DYNC1I2: variants seen among roughly 807,000 people sequenced by gnomAD.
The protein encoded by DYNC1I2 is dynein cytoplasmic 1 intermediate chain 2, also known as cytoplasmic dynein 1 intermediate chain 2.
Under a neutral mutation model 88.6 loss-of-function variants are expected in DYNC1I2, and 53 were observed. The ratio of observed to expected loss-of-function variants is 0.60; its 90% confidence interval spans 0.48 to 0.75. The LOEUF is 0.75. Among genes scored for constraint, DYNC1I2 ranks in the 30% least tolerant of loss-of-function variants. DYNC1I2 has a pLI of 0.00. For missense variants in DYNC1I2, 458 were observed against 766.6 expected (o/e 0.60, Z 4.75); for synonymous variants, 198 against 254.6 (o/e 0.78, Z 2.12).
At position 171,701,733 on chromosome 2, in the gene DYNC1I2, A is replaced by G. The variant is rs893713068; in HGVS notation, c.227-4814A>G. Among the ~76,000 whole-genome samples the G allele has an allele frequency of 2.6e-5, 4 of 152,352 alleles. No homozygotes were observed. In the South Asian group the frequency reaches 8.3e-4, roughly 32 times the overall value. ...ACTTTGTTGAGTATTTGGATTAGTT[A>G]TAAGACAGTGGGGAAGGTAGCATAT... On this transcript the variant is annotated intron_variant, in intron 3 of 17. Coordinates refer to ENST00000397119, the MANE Select transcript of DYNC1I2 (RefSeq NM_001378.3).
At chr2:171,725,210 AT>A (rs1025654367) in intron 7 of DYNC1I2, among the ~76,000 whole-genome samples, 40 of 152,196 alleles carry the variant, frequency 2.6e-4, no homozygotes, top group African/African-American at 9.4e-4. Context: ...ATTCTACAGC[AT>A]TAATGTGTCA....
At chr2:171,734,709 T>C (rs1297270088) in intron 15 of DYNC1I2, among the ~76,000 whole-genome samples, 3 of 152,188 alleles carry the variant, frequency 2.0e-5, no homozygotes, top group Non-Finnish European at 4.4e-5. Flanking sequence ...CTGTGAAGGG[T>C]AGAGAAGAAA....
intron 3 of DYNC1I2, chr2:171,693,185 A>G (rs1685518319): frequency 2.9e-6 from 1 of 345,606 alleles, no homozygotes; most frequent in African/African-American, 2.1e-5. Flanking sequence ...TTTATGTGCC[A>G]TACTGTGTTA....
At chr2:171,717,334 C>G (rs886774854) in intron 7 of DYNC1I2, among the ~76,000 whole-genome samples, 1 of 151,640 alleles carries the variant, frequency 6.6e-6, no homozygotes, top group Non-Finnish European at 1.5e-5. Flanking sequence ...AGGCTGGTCT[C>G]GAACTCTTGA....
At chr2:171,734,608 T>C (rs1688879184) in intron 15 of DYNC1I2, among the ~76,000 whole-genome samples, 1 of 152,168 alleles carries the variant, frequency 6.6e-6, no homozygotes, top group Non-Finnish European at 1.5e-5. Flanking sequence ...CCATAGAACA[T>C]GGTGTTTTTA....
intron 1 of DYNC1I2, among the ~76,000 whole-genome samples, chr2:171,689,590 T>A (rs1460208653): frequency 6.6e-6 from 1 of 152,216 alleles, no homozygotes; most frequent in African/African-American, 2.4e-5. Context: ...TCAGTTTGTG[T>A]ATGCGAACAT....
intron 3 of DYNC1I2, among the ~76,000 whole-genome samples, chr2:171,706,330 A>T (rs1686673769): frequency 6.6e-6 from 1 of 152,186 alleles, no homozygotes; most frequent in South Asian, 2.1e-4. Flanking sequence ...GATGGCAGTG[A>T]TGATCCTCCT....
chr2:171,741,862 A>G (rs1689450075), intron 15 of DYNC1I2, among the ~76,000 whole-genome samples: 1 of 152,018 alleles, frequency 6.6e-6, no homozygotes, highest in Non-Finnish European at 1.5e-5. Flanking sequence ...TGGGTGGATC[A>G]CCTGAGGTCA....
rs188497577 is a variant in DYNC1I2 at position 171,735,505 on chromosome 2, A to C, written c.1536+5652A>C. Among the ~76,000 whole-genome samples, 6 of 152,354 alleles carry C rather than the reference A, an allele frequency of 3.9e-5. 1 individual carries two copies. The East Asian group carries it at 1.2e-3, about 29-fold the overall frequency. On this transcript the variant is annotated intron_variant, in intron 15 of 17. Transcript: ENST00000397119. ...AATGCAGGTATTCAAAAATCCAAAAATATTTGAAATCTGAAACACTTCTGG... is the reference window on the plus strand; with the variant it reads ...AATGCAGGTATTCAAAAATCCAAAACTATTTGAAATCTGAAACACTTCTGG...
intron 7 of DYNC1I2, among the ~76,000 whole-genome samples, chr2:171,723,890 T>A (rs1688061819): frequency 6.6e-6 from 1 of 152,168 alleles, no homozygotes; most frequent in East Asian, 1.9e-4. Context: ...GTTTTTCCAT[T>A]CTGAATGTTT....
At chr2:171,722,168 G>A (rs1317020372) in intron 7 of DYNC1I2, among the ~76,000 whole-genome samples, 1 of 152,122 alleles carries the variant, frequency 6.6e-6, no homozygotes, top group Non-Finnish European at 1.5e-5. Context: ...CATTGTAAGA[G>A]ATTATTCCAA....
intron 7 of DYNC1I2, among the ~76,000 whole-genome samples, chr2:171,717,762 G>A (rs144750254): frequency 4.6e-5 from 7 of 152,128 alleles, no homozygotes; most frequent in East Asian, 3.9e-4. Context: ...TAACCAAAAC[G>A]AAGGCACAGT....
intron 3 of DYNC1I2, among the ~76,000 whole-genome samples, chr2:171,700,004 T>C (rs1056257667): frequency 5.3e-5 from 8 of 152,288 alleles, no homozygotes; most frequent in Admixed American, 3.3e-4. Flanking sequence ...TTATCTCTTA[T>C]AGTTTCTGCT....
chr2:171,687,986 A>G (rs1409209431), intron 1 of DYNC1I2: 2 of 152,282 alleles, frequency 1.3e-5, no homozygotes, highest in African/African-American at 2.4e-5. Flanking sequence ...TTTGGGGAGG[A>G]AAGGCGGGGA....
Position 171,744,144 on chromosome 2 carries a change from T to C in DYNC1I2, c.1632T>C (p.Asp544=), listed in dbSNP as rs1689631492. 1 of 1,613,248 alleles carries C rather than the reference T, an allele frequency of 6.2e-7. No individual in the cohort carries two copies. Among genetic ancestry groups the C allele is most frequent in the Admixed American group, 1.7e-5 (1 of 59,912 alleles). Residue 544 remains aspartate (D), a synonymous_variant, in exon 16 of 18, where the codon GAT becomes GAC. Transcript: ENST00000397119. ...ACCCAGCCCTGTTTGCCTGTGTGGA[T>C]GGCATGGGGAGATTGGATTTGTGGA... The part of the protein sequence containing the change: ...PTHPALFACV[D]GMGRLDLWNL...
intron 7 of DYNC1I2, among the ~76,000 whole-genome samples, chr2:171,724,789 C>G (rs1458113079): frequency 6.6e-6 from 1 of 152,264 alleles, no homozygotes; most frequent in Middle Eastern, 3.4e-3. Flanking sequence ...AAACCCATCT[C>G]AGTGTGTAGC....
chr2:171,727,743 G>C (rs1040615852), intron 11 of DYNC1I2, 78 bp from the exon 12 acceptor site: 1 of 1,351,194 alleles, frequency 7.4e-7, no homozygotes, highest in African/African-American at 1.5e-5. Flanking sequence ...GAAATGTTTC[G>C]GATAATAGAT....
intron 13 of DYNC1I2, 147 bp downstream of exon 13, chr2:171,728,565 A>G (rs909089777): frequency 1.4e-5 from 11 of 811,470 alleles, no homozygotes; most frequent in Non-Finnish European, 2.0e-5. Context: ...AGTTTGTTTC[A>G]TATATATATA....
intron 5 of DYNC1I2, among the ~76,000 whole-genome samples, chr2:171,709,335 A>G (rs1344147719): frequency 6.6e-6 from 1 of 152,204 alleles, no homozygotes; most frequent in Non-Finnish European, 1.5e-5. Flanking sequence ...ACCTTTTAGA[A>G]TATTGTAAAT....
Sources: allele counts gnomAD v4.1 joint callset (sites outside exome capture counted in the v4.1 genomes callset), GRCh38; gene constraint gnomAD v4.1.1; transcripts MANE v1.5; gene names NCBI Gene and HGNC (gene_info 2026-07-23, HGNC 2026-07-21).